DCC: variants seen among roughly 807,000 people sequenced by gnomAD.
DCC encodes netrin receptor DCC.
Under a neutral mutation model 172.5 loss-of-function variants are expected in DCC, and 58 were observed. The observed-to-expected ratio is 0.34, with a 90% CI of 0.27 to 0.42. The LOEUF (loss-of-function observed/expected upper bound fraction) is 0.42, where lower values mean the gene tolerates loss of function less well. DCC is among the 10% of genes least tolerant of loss of function. DCC has a pLI of 1.00. For missense variants in DCC, 1,740 were observed against 1,791.0 expected (o/e 0.97, Z 0.51); for synonymous variants, 709 against 644.5 (o/e 1.10, Z -1.52).
intron 1 of DCC, among the ~76,000 whole-genome samples, chr18:52,701,141 T>A (rs1315038812): frequency 6.6e-6 from 1 of 152,234 alleles, no homozygotes; most frequent in African/African-American, 2.4e-5. Context: ...CATTTTTCAA[T>A]ACAATCAGGT....
intron 2 of DCC, among the ~76,000 whole-genome samples, chr18:52,819,347 T>C (rs563580874): frequency 1.3e-5 from 2 of 152,232 alleles, no homozygotes; most frequent in African/African-American, 4.8e-5. Flanking sequence ...ATTATAAAGA[T>C]TGTGCCTAAA....
chr18:53,382,096 A>ACACACATG (rs1555661832), intron 15 of DCC, among the ~76,000 whole-genome samples: 32 of 85,574 alleles, frequency 3.7e-4, no homozygotes, highest in African/African-American at 9.9e-4. Context: ...ACACACACAC[A>ACACACATG]CACACACACC....
chr18:52,455,727 G>C (rs1189018187), intron 1 of DCC, among the ~76,000 whole-genome samples: 1 of 152,104 alleles, frequency 6.6e-6, no homozygotes, highest in Non-Finnish European at 1.5e-5. Flanking sequence ...CTGTAAAATG[G>C]GGTTATTATT....
At chr18:53,442,582 C>T (rs2145132858) in intron 22 of DCC, among the ~76,000 whole-genome samples, 1 of 152,254 alleles carries the variant, frequency 6.6e-6, no homozygotes, top group South Asian at 2.1e-4. Context: ...TACAAGGCTT[C>T]TAAGTGTCCG....
At chr18:52,904,910 C>T (rs2145445045) in intron 2 of DCC, among the ~76,000 whole-genome samples, 1 of 152,226 alleles carries the variant, frequency 6.6e-6, no homozygotes, top group African/African-American at 2.4e-5. Context: ...TGCCAGTGGT[C>T]TTTCATTGAT....
intron 1 of DCC, among the ~76,000 whole-genome samples, chr18:52,637,015 T>C (rs925652684): frequency 6.6e-6 from 1 of 152,154 alleles, no homozygotes; most frequent in Non-Finnish European, 1.5e-5. Flanking sequence ...CAACCCCCAG[T>C]ACCAGCCTGG....
Position 53,416,133 on chromosome 18 carries a change from C to G in DCC, c.3140C>G (p.Pro1047Arg). Reference protein sequence around the residue: ...ILFRTLKVEHPDKMANDQGRH... With the variant: ...ILFRTLKVEHRDKMANDQGRH... The stretch of plus-strand genomic sequence containing the variant: ...TCTTTTTCCCCCGCAGTGGAACACC[C>G]TGACAAAATGGCTAATGACCAAGGT... The change falls in exon 21 of 29, where the codon CCT becomes CGT. Residue 1047 changes from proline (P) to arginine (R), a missense_variant. This residue lies in a region of DCC where 1,732 missense variants were observed against 1,767.4 expected (regional missense o/e 0.98). Transcript: ENST00000442544. The G allele has an allele frequency of 1.2e-6, 2 of 1,610,756 alleles. No homozygotes were observed. The highest frequency in any genetic ancestry group is 1.7e-6 in the Non-Finnish European group (2 of 1,177,064).
chr18:52,889,155 A>G (rs2039612263), intron 2 of DCC, among the ~76,000 whole-genome samples: 1 of 152,098 alleles, frequency 6.6e-6, no homozygotes, highest in South Asian at 2.1e-4. Flanking sequence ...GGAACTAGGA[A>G]TTGGAGATGG....
Position 52,537,308 on chromosome 18 carries a change from G to T in DCC, c.91+196430G>T, listed in dbSNP as rs1403006685. Among the ~76,000 whole-genome samples, 3 of 152,220 alleles carry T rather than the reference G, an allele frequency of 2.0e-5. No individual in the cohort carries two copies. The East Asian group carries it at 5.8e-4, about 29-fold the overall frequency. Reference sequence around the variant, plus strand: ...TCCTTTATGATATATTTAGACTTGGGCTGCAAAACATAAACAAGAAACTGT... The same window carrying T: ...TCCTTTATGATATATTTAGACTTGGTCTGCAAAACATAAACAAGAAACTGT... On this transcript the variant is annotated intron_variant, in intron 1 of 28. Transcript: ENST00000442544.
chr18:52,862,840 GT>G (rs374020383), intron 2 of DCC, among the ~76,000 whole-genome samples: 38 of 152,156 alleles, frequency 2.5e-4, no homozygotes, highest in African/African-American at 8.4e-4. Context: ...TTTCCCTTGA[GT>G]TCTTCCCTCT....
chr18:53,187,357 C>T (rs969905983), intron 9 of DCC, among the ~76,000 whole-genome samples: 2 of 152,024 alleles, frequency 1.3e-5, no homozygotes, highest in Non-Finnish European at 2.9e-5. Context: ...CTCCTGACCT[C>T]ATTATCTGTC....
chr18:52,590,887 G>C (rs2033784224), intron 1 of DCC, among the ~76,000 whole-genome samples: 1 of 152,190 alleles, frequency 6.6e-6, no homozygotes, highest in Admixed American at 6.5e-5. Flanking sequence ...CTAGTTAAAA[G>C]ACCATTAAGC....
chr18:53,386,324 C>A lies in DCC; in HGVS notation c.2455+186C>A, dbSNP rs560669097. The stretch of plus-strand genomic sequence containing the variant: ...ATGTATACTTGCACACATATGCATG[C>A]ATTTTTTTATTTCTTTGGTTGTCGA... On this transcript the variant is annotated intron_variant, in intron 16 of 28. Coordinates refer to ENST00000442544, the MANE Select transcript of DCC (RefSeq NM_005215.4). 2.0e-5 allele frequency among the ~76,000 whole-genome samples: 3 copies of A among 152,252 alleles called. No homozygotes were observed. In the South Asian group the frequency reaches 6.2e-4, roughly 32 times the overall value.
chr18:53,431,430 T>C (rs1911604269), intron 21 of DCC, among the ~76,000 whole-genome samples: 1 of 152,110 alleles, frequency 6.6e-6, no homozygotes. Flanking sequence ...GAATTCTTCT[T>C]TATATCCTGT....
At chr18:52,398,478 G>A (rs192924346) in intron 1 of DCC, among the ~76,000 whole-genome samples, 35 of 151,884 alleles carry the variant, frequency 2.3e-4, no homozygotes, top group East Asian at 2.1e-3. Flanking sequence ...CTTTTTATGC[G>A]TATAAACTTT....
intron 27 of DCC, among the ~76,000 whole-genome samples, chr18:53,504,608 T>C (rs2046146979): frequency 6.6e-6 from 1 of 152,218 alleles, no homozygotes; most frequent in Non-Finnish European, 1.5e-5. Context: ...TAAATTACCA[T>C]TGGTAAAATG....
chr18:52,432,565 A>C (rs1305685480), intron 1 of DCC, among the ~76,000 whole-genome samples: 1 of 152,114 alleles, frequency 6.6e-6, no homozygotes, highest in Non-Finnish European at 1.5e-5. Flanking sequence ...AGACAGGATG[A>C]ATGTCATCAT....
chr18:53,361,392 A>G (rs2057945509), intron 15 of DCC, among the ~76,000 whole-genome samples: 1 of 152,162 alleles, frequency 6.6e-6, no homozygotes, highest in Non-Finnish European at 1.5e-5. Flanking sequence ...CTGAACCAGC[A>G]TTTCCTACTT....
intron 3 of DCC, among the ~76,000 whole-genome samples, chr18:52,911,889 T>C (rs1043884171): frequency 6.6e-6 from 1 of 152,130 alleles, no homozygotes; most frequent in South Asian, 2.1e-4. Context: ...TCCTCTCATA[T>C]ATACTGGAAA....
Sources: allele counts gnomAD v4.1 joint callset (sites outside exome capture counted in the v4.1 genomes callset), GRCh38; gene constraint gnomAD v4.1.1; regional missense constraint gnomAD v4.1.1; transcripts MANE v1.5; gene names NCBI Gene and HGNC (gene_info 2026-07-23, HGNC 2026-07-21).